The following COL4A6 variants were observed in gnomAD, a reference collection of about 807,000 sequenced individuals.
The protein encoded by COL4A6 is collagen type IV alpha 6 chain.
COL4A6 carries 59 observed loss-of-function variants against 126.7 expected under a neutral mutation model. The ratio of observed to expected loss-of-function variants is 0.47; its 90% CI spans 0.38 to 0.58. The LOEUF (loss-of-function observed/expected upper bound fraction) is 0.58, where lower values mean the gene tolerates loss of function less well. Ranked by LOEUF, COL4A6 falls within the 20% of genes least tolerant of loss-of-function variation. COL4A6 has a pLI of 0.00. For missense variants in COL4A6, 1,285 were observed against 1,337.3 expected (o/e 0.96, Z 0.61); for synonymous variants, 547 against 496.6 (o/e 1.10, Z -1.35).
At chrX:108,418,109 G>A (rs2041468186) in intron 2 of COL4A6, among the ~76,000 whole-genome samples, 1 of 111,976 alleles carries the variant, frequency 8.9e-6, no homozygotes, top group East Asian at 2.8e-4. Context: ...CCATAGTTGA[G>A]AAGCAATGGT....
At chrX:108,377,802 C>T (rs1298017067) in intron 2 of COL4A6, among the ~76,000 whole-genome samples, 1 of 107,513 alleles carries the variant, frequency 9.3e-6, no homozygotes, top group Non-Finnish European at 1.9e-5. Flanking sequence ...TGGTGGTGTG[C>T]CTGGTGATGC....
intron 3 of COL4A6, among the ~76,000 whole-genome samples, chrX:108,308,596 A>G (rs1447652700): frequency 2.7e-5 from 3 of 112,538 alleles, no homozygotes; most frequent in African/African-American, 9.7e-5. Flanking sequence ...TTTCCAGGTA[A>G]TATGTGAAAA....
intron 2 of COL4A6, among the ~76,000 whole-genome samples, chrX:108,374,048 C>G (rs1404566015): frequency 8.9e-6 from 1 of 112,562 alleles, no homozygotes; most frequent in Non-Finnish European, 1.9e-5. Flanking sequence ...AAAGTATACA[C>G]TGGTTAATTA....
At position 108,180,958 on chromosome X, in the gene COL4A6, C is replaced by A; in HGVS notation, c.1962G>T (p.Leu654=). 1.7e-6 allele frequency: 2 copies of A among 1,208,257 alleles called. No individual in the cohort carries two copies. The highest frequency in any genetic ancestry group is 2.2e-6 in the Non-Finnish European group (2 of 892,726). ...QGLPGSKGIT[L]PCIIPGSYGP... ...CGTATGACCCAGGAATAATACAGGG[C>A]AGGGTGATTCCTGTAAATGGTAACA... is the stretch of plus-strand genomic sequence containing the variant. The change falls in exon 24 of 45, where the codon CTG becomes CTT. Residue 654 remains leucine (L), a synonymous_variant. Transcript: ENST00000334504.
At chrX:108,362,023 G>T (rs1240336688) in intron 2 of COL4A6, among the ~76,000 whole-genome samples, 1 of 110,824 alleles carries the variant, frequency 9.0e-6, no homozygotes. Flanking sequence ...AAGTCATTTG[G>T]CATCTCTAGA....
intron 2 of COL4A6, among the ~76,000 whole-genome samples, chrX:108,430,663 A>G (rs1190276543): frequency 6.3e-5 from 7 of 111,949 alleles, no homozygotes; most frequent in Non-Finnish European, 1.1e-4. Flanking sequence ...AAAATTATCA[A>G]AATTTGGTGA....
chrX:108,392,654 C>G (rs886276937), intron 2 of COL4A6, among the ~76,000 whole-genome samples: 5 of 111,166 alleles, frequency 4.5e-5, no homozygotes, highest in Non-Finnish European at 1.9e-5. Flanking sequence ...AAATTCTAAC[C>G]CCCAAGGTAA....
intron 11 of COL4A6, among the ~76,000 whole-genome samples, 196 bp downstream of exon 11, chrX:108,205,243 A>T (rs2035513098): frequency 9.0e-6 from 1 of 111,434 alleles, no homozygotes; most frequent in Non-Finnish European, 1.9e-5. Context: ...AAGGGAAAAG[A>T]ACCACAATAG....
At chrX:108,288,509 G>A (rs1013465295) in intron 3 of COL4A6, among the ~76,000 whole-genome samples, 26 of 111,523 alleles carry the variant, frequency 2.3e-4, no homozygotes, top group African/African-American at 3.3e-4. Context: ...ACATAAAGGC[G>A]TGTATAGACT....
At chrX:108,292,711 C>G (rs1214862793) in intron 3 of COL4A6, among the ~76,000 whole-genome samples, 1 of 110,338 alleles carries the variant, frequency 9.1e-6, no homozygotes, top group Non-Finnish European at 1.9e-5. Flanking sequence ...AAAATCACCA[C>G]AGTAATCTGT....
intron 3 of COL4A6, among the ~76,000 whole-genome samples, chrX:108,267,262 T>C (rs888338338): frequency 8.9e-6 from 1 of 112,364 alleles, no homozygotes; most frequent in Non-Finnish European, 1.9e-5. Context: ...GTGATTACAT[T>C]GGGACCATCC....
In COL4A6 at chrX:108,300,724, C is replaced by CGTGTGTGTGTGTGTGTGT. The variant is rs58203884; in HGVS notation, c.144+10006_144+10023dup. Among the ~76,000 whole-genome samples the CGTGTGTGTGTGTGTGTGT allele has an allele frequency of 3.2e-3, 296 of 92,386 alleles. 7 individuals carry two copies. Among genetic ancestry groups the CGTGTGTGTGTGTGTGTGT allele is most frequent in the East Asian group, 0.01 (28 of 2,740 alleles). The allele number at this position is 92,386 out of a possible 115,157, so 80.2% of individuals were successfully genotyped here. ...GCAGTGATGGGTAGTCAAACATTGG[C>CGTGTGTGTGTGTGTGTGT]GTGTGTGTGTGTGTGTGTGTGTGTG... On this transcript the variant is annotated intron_variant, in intron 3 of 44. Transcript: ENST00000334504.
intron 3 of COL4A6, among the ~76,000 whole-genome samples, chrX:108,231,566 A>T (rs745630016): frequency 8.9e-6 from 1 of 112,042 alleles, no homozygotes; most frequent in Non-Finnish European, 1.9e-5. Context: ...AGGAAACTCA[A>T]ATACAGAGAG....
chrX:108,257,623 C>T (rs943058938), intron 3 of COL4A6, among the ~76,000 whole-genome samples: 2 of 111,364 alleles, frequency 1.8e-5, no homozygotes, highest in African/African-American at 3.3e-5. Flanking sequence ...CCTTCCTTCT[C>T]TCCTCCACAG....
In COL4A6 at chrX:108,179,413, C is replaced by G. The variant is rs2034609668; in HGVS notation, c.2157G>C (p.Lys719Asn). The change falls in exon 26 of 45, where the codon AAG becomes AAC. Residue 719 changes from lysine to asparagine, a missense_variant. Coordinates refer to ENST00000334504, the MANE Select transcript of COL4A6 (RefSeq NM_033641.4). ...LPGFPGPRGE[K>N]GLPGFPGLPG... is the part of the protein sequence containing the mutation. ...GGAGCCCAGGAAACCCAGGCAAGCC[C>G]TTCTCCCCACGAGGTCCAGGAAATC... The G allele has an allele frequency of 4.1e-6, 5 of 1,207,231 alleles. No homozygotes were observed. The highest frequency in any genetic ancestry group is 5.6e-6 in the Non-Finnish European group (5 of 893,158).
At chrX:108,368,659 G>A (rs938942119) in intron 2 of COL4A6, among the ~76,000 whole-genome samples, 1 of 111,244 alleles carries the variant, frequency 9.0e-6, no homozygotes, top group Non-Finnish European at 1.9e-5. Flanking sequence ...GTAACACTTA[G>A]CTTAAAACAC....
intron 2 of COL4A6, among the ~76,000 whole-genome samples, chrX:108,342,103 A>G (rs1366752148): frequency 6.2e-5 from 7 of 112,031 alleles, no homozygotes; most frequent in African/African-American, 2.3e-4. Context: ...CAAGAAATCT[A>G]TTTTCCATTA....
intron 2 of COL4A6, among the ~76,000 whole-genome samples, chrX:108,394,018 A>T (rs756957821): frequency 1.8e-5 from 2 of 112,221 alleles, no homozygotes; most frequent in East Asian, 5.6e-4. Flanking sequence ...AAGACTTAGA[A>T]CCAACCCAAA....
At chrX:108,308,549 A>C (rs746656275) in intron 3 of COL4A6, among the ~76,000 whole-genome samples, 22 of 112,429 alleles carry the variant, frequency 2.0e-4, no homozygotes, top group African/African-American at 6.8e-4. Context: ...AAAGTGGCTA[A>C]AGAATATGTC....
Sources: allele counts gnomAD v4.1 joint callset (sites outside exome capture counted in the v4.1 genomes callset), GRCh38; gene constraint gnomAD v4.1.1; transcripts MANE v1.5; gene names NCBI Gene and HGNC (gene_info 2026-07-23, HGNC 2026-07-21).